FRMD6: variants seen among roughly 807,000 people sequenced by gnomAD.
FRMD6 encodes FERM domain-containing protein 6.
In FRMD6, 37 loss-of-function variants were observed where a neutral mutation model predicts 73.2. The observed-to-expected ratio is 0.51, with a 90% confidence interval of 0.39 to 0.66. The LOEUF is 0.66. Among genes scored for constraint, FRMD6 ranks in the 30% least tolerant of loss-of-function variants. FRMD6 has a pLI of 0.00. For synonymous variants in FRMD6, 273 were observed against 282.2 expected, an observed-to-expected ratio of 0.97 and a Z score of 0.33; for missense variants, 714 against 780.5, an observed-to-expected ratio of 0.91 and a Z score of 1.02.
At chr14:51,507,085 C>CACAT (rs1884008427) in intron 1 of FRMD6, among the ~76,000 whole-genome samples, 3 of 13,134 alleles carry the variant, frequency 2.3e-4, no homozygotes, top group African/African-American at 1.6e-3. Flanking sequence ...GTTGTATAGA[C>CACAT]ACACACACAC....
the FRMD6 span, among the ~76,000 whole-genome samples, chr14:51,414,127 T>G: frequency 6.6e-6 from 1 of 152,218 alleles, no homozygotes. Flanking sequence ...GATGGTAGTT[T>G]CTTTTGCCAG....
chr14:51,482,309 C>T, the FRMD6 span, among the ~76,000 whole-genome samples: 1 of 152,216 alleles, frequency 6.6e-6, no homozygotes, highest in African/African-American at 2.4e-5. Context: ...GGAGCCAGCC[C>T]TCGCACGTGG....
At chr14:51,549,771 A>G (rs1199985678) in intron 1 of FRMD6, among the ~76,000 whole-genome samples, 1 of 150,804 alleles carries the variant, frequency 6.6e-6, no homozygotes, top group Non-Finnish European at 1.5e-5. Context: ...AGTTTTTTGT[A>G]TTTTTAGTAG....
chr14:51,568,303 C>T (rs369526360), intron 1 of FRMD6, among the ~76,000 whole-genome samples: 1 of 152,232 alleles, frequency 6.6e-6, no homozygotes, highest in African/African-American at 2.4e-5. Flanking sequence ...TGTCAAGCTC[C>T]TGTTTTGCAT....
chr14:51,398,442 G>A, the FRMD6 span, among the ~76,000 whole-genome samples: 1 of 151,914 alleles, frequency 6.6e-6, no homozygotes, highest in East Asian at 1.9e-4. Context: ...ACTTACTCAA[G>A]AACAATAGCT....
intron 2 of FRMD6, among the ~76,000 whole-genome samples, chr14:51,620,272 A>C (rs911558368): frequency 1.3e-5 from 2 of 152,166 alleles, no homozygotes; most frequent in Non-Finnish European, 2.9e-5. Context: ...AGAATTTACA[A>C]CTGGATGAAA....
chr14:51,653,546 A>T (rs735265), intron 1 of FRMD6, among the ~76,000 whole-genome samples: 106 of 152,010 alleles, frequency 7.0e-4, no homozygotes, highest in African/African-American at 2.2e-3. Flanking sequence ...AGGATGAGAA[A>T]TTTTTTTTTA....
At chr14:51,590,878 T>A (rs1280634605) in intron 2 of FRMD6, among the ~76,000 whole-genome samples, 1 of 152,232 alleles carries the variant, frequency 6.6e-6, no homozygotes, top group Non-Finnish European at 1.5e-5. Flanking sequence ...GACTTACTGT[T>A]TTACTCTGTG....
exon 1 of FRMD6, chr14:51,489,334 G>A (rs569533222): frequency 6.6e-6 from 1 of 152,590 alleles, no homozygotes; most frequent in Non-Finnish European, 1.5e-5. Flanking sequence ...GACGATTCTG[G>A]TTCCAGGGGC....
At chr14:51,604,577 G>A (rs896604288) in intron 2 of FRMD6, among the ~76,000 whole-genome samples, 5 of 152,102 alleles carry the variant, frequency 3.3e-5, no homozygotes, top group African/African-American at 1.2e-4. Flanking sequence ...CTAATGATAA[G>A]TTGGGGGAAT....
intron 1 of FRMD6, among the ~76,000 whole-genome samples, chr14:51,530,819 A>C (rs1234744450): frequency 6.6e-6 from 1 of 152,206 alleles, no homozygotes; most frequent in African/African-American, 2.4e-5. Context: ...AAGGACAAAC[A>C]GTAACTTTAC....
At chr14:51,649,456 G>C (rs1271012805), upstream of FRMD6, 1 of 151,770 alleles carries the variant, frequency 6.6e-6, no homozygotes, top group Non-Finnish European at 1.5e-5. Flanking sequence ...CCAATATGTT[G>C]TTGTTTATCT....
intron 1 of FRMD6, among the ~76,000 whole-genome samples, chr14:51,677,240 T>A (rs577666214): frequency 1.3e-5 from 2 of 152,142 alleles, no homozygotes; most frequent in Non-Finnish European, 2.9e-5. Flanking sequence ...TTCTCAAATA[T>A]TTAGTTCAAT....
chr14:51,505,207 T>C (rs762531597), intron 1 of FRMD6, among the ~76,000 whole-genome samples: 34 of 152,198 alleles, frequency 2.2e-4, no homozygotes, highest in African/African-American at 8.2e-4. Flanking sequence ...TTAGGAATAA[T>C]TTATTTGTGT....
At chr14:51,500,610 TACTC>T (rs1160704509) in intron 1 of FRMD6, among the ~76,000 whole-genome samples, 1 of 152,186 alleles carries the variant, frequency 6.6e-6, no homozygotes, top group Non-Finnish European at 1.5e-5. Flanking sequence ...AGATCTGTGC[TACTC>T]ACTCATTTTT....
At chr14:51,693,073 A>G (rs1895713049) in intron 2 of FRMD6, among the ~76,000 whole-genome samples, 2 of 152,166 alleles carry the variant, frequency 1.3e-5, no homozygotes. Context: ...TCTATAGAAT[A>G]ATCGAAGAGT....
chr14:51,441,684 C>G, the FRMD6 span, among the ~76,000 whole-genome samples: 20 of 152,184 alleles, frequency 1.3e-4, 1 homozygote, highest in Middle Eastern at 0.017. Flanking sequence ...TAAACCCATG[C>G]GTGTAGAGTT....
At chr14:51,668,761 G>A (rs980556056) in intron 1 of FRMD6, among the ~76,000 whole-genome samples, 5 of 151,856 alleles carry the variant, frequency 3.3e-5, no homozygotes, top group Non-Finnish European at 5.9e-5. Flanking sequence ...CTTGTCTCCC[G>A]GGCTCAAGTG....
the FRMD6 span, among the ~76,000 whole-genome samples, chr14:51,440,542 C>CGGGAA: frequency 6.6e-6 from 1 of 152,170 alleles, no homozygotes; most frequent in East Asian, 1.9e-4. Context: ...GCACATTTCT[C>CGGGAA]AAAGAATTGT....
Sources: gnomAD v4.1 joint callset for allele counts (sites outside exome capture counted in the v4.1 genomes callset) on GRCh38, gnomAD v4.1.1 for gene constraint, MANE v1.5 for transcripts, NCBI Gene and HGNC (gene_info 2026-07-23, HGNC 2026-07-21) for gene names.